Variants in DMD observed in about 807,000 individuals in gnomAD.
DMD encodes the protein mutant dystrophin.
A neutral mutation model predicts 330.1 loss-of-function variants in DMD; 63 were observed. The observed-to-expected ratio is 0.19, with a 90% CI of 0.16 to 0.24. The LOEUF (loss-of-function observed/expected upper bound fraction) is 0.24, where lower values mean the gene tolerates loss of function less well. Among genes scored for constraint, DMD ranks in the 10% least tolerant of loss-of-function variants. DMD has a pLI of 1.00. For synonymous variants in DMD, 1,223 were observed against 959.8 expected (o/e 1.27, Z -5.07); for missense variants, 3,344 against 2,684.1 (o/e 1.25, Z -5.43).
chrX:31,771,509 T>C (rs1447708293), intron 51 of DMD, among the ~76,000 whole-genome samples: 1 of 101,027 alleles, frequency 9.9e-6, no homozygotes, highest in Non-Finnish European at 2.1e-5. Context: ...CCCCCTAAAT[T>C]TTTTTTTTTC....
At chrX:32,503,292 C>A (rs1005950496) in intron 18 of DMD, among the ~76,000 whole-genome samples, 2 of 111,680 alleles carry the variant, frequency 1.8e-5, no homozygotes, top group African/African-American at 6.5e-5. Flanking sequence ...GAATCTGAGG[C>A]AGAAGGACTG....
intron 1 of DMD, among the ~76,000 whole-genome samples, chrX:33,262,400 G>C (rs1289103059): frequency 4.5e-5 from 5 of 111,373 alleles, no homozygotes; most frequent in Non-Finnish European, 9.5e-5. Context: ...AGAGAAGCCA[G>C]ATTTAAAGAT....
intron 44 of DMD, among the ~76,000 whole-genome samples, chrX:32,108,188 C>T (rs2096573482): frequency 1.8e-5 from 2 of 111,381 alleles, no homozygotes; most frequent in South Asian, 7.4e-4. Context: ...ATTCTTAACG[C>T]TTTAGTGAAG....
chrX:32,231,110 C>T (rs1344653336), intron 43 of DMD, among the ~76,000 whole-genome samples: 1 of 111,960 alleles, frequency 8.9e-6, no homozygotes, highest in Non-Finnish European at 1.9e-5. Context: ...TGTAATTGGG[C>T]AAACCAAAAC....
chrX:33,218,268 T>C (rs1048161915), intron 1 of DMD, among the ~76,000 whole-genome samples: 2 of 111,501 alleles, frequency 1.8e-5, no homozygotes, highest in Non-Finnish European at 3.8e-5. Flanking sequence ...TCTATATCCA[T>C]GAGTTTTATT....
chrX:32,583,677 T>C (rs1381063879), intron 13 of DMD: 1 of 111,282 alleles, frequency 9.0e-6, no homozygotes, highest in African/African-American at 3.3e-5. Flanking sequence ...CCACAGAATA[T>C]TGAGGAAAGG....
In DMD at chrX:31,915,029, A is replaced by G. The variant is rs771468413; in HGVS notation, c.6912+14567T>C. On this transcript the variant is annotated intron_variant, in intron 47 of 78. Transcript: ENST00000357033. The stretch of plus-strand genomic sequence containing the variant: ...TACATACACCTACTATGTACCCACA[A>G]AAATTTAAAAAAATTTTAAAAAGAG... Among the ~76,000 whole-genome samples, 5 of 112,379 alleles carry G rather than the reference A, an allele frequency of 4.4e-5. No individual in the cohort carries two copies. In the East Asian group the frequency reaches 1.4e-3, roughly 31 times the overall value.
At chrX:32,253,673 G>A (rs1218541135) in intron 43 of DMD, among the ~76,000 whole-genome samples, 1 of 105,405 alleles carries the variant, frequency 9.5e-6, no homozygotes, top group African/African-American at 3.5e-5. Flanking sequence ...ACCCAGGCTG[G>A]AGTGCAGTGG....
chrX:31,760,873 T>TCC (rs199534535), intron 51 of DMD, among the ~76,000 whole-genome samples: 13,758 of 110,191 alleles, frequency 0.12, 660 homozygotes, highest in East Asian at 0.19. Context: ...AAAACATTGT[T>TCC]AACTACAAGC....
intron 29 of DMD, among the ~76,000 whole-genome samples, chrX:32,423,549 T>C (rs1328115242): frequency 9.0e-6 from 1 of 110,958 alleles, no homozygotes; most frequent in African/African-American, 3.3e-5. Context: ...CCAAAAATGC[T>C]AATATTCTAT....
At chrX:32,454,589 A>C in intron 26 of DMD, 73 bp downstream of exon 26, 1 of 891,642 alleles carries the variant, frequency 1.1e-6, no homozygotes, top group Non-Finnish European at 1.6e-6. Flanking sequence ...ATACAACTTC[A>C]AGCATTGTTG....
At chrX:32,858,131 T>TGGTGC in intron 2 of DMD, among the ~76,000 whole-genome samples, 1 of 111,741 alleles carries the variant, frequency 8.9e-6, no homozygotes, top group East Asian at 2.8e-4. Flanking sequence ...TATTCTCTAA[T>TGGTGC]AGAGTGCTTC....
At chrX:31,278,073 G>A (rs2052315396) in intron 62 of DMD, among the ~76,000 whole-genome samples, 1 of 109,969 alleles carries the variant, frequency 9.1e-6, no homozygotes, top group Admixed American at 9.7e-5. Context: ...AATGTTTTGT[G>A]AAACTTTTCT....
At chrX:31,504,900 C>T (rs773948688) in intron 56 of DMD, among the ~76,000 whole-genome samples, 28 of 112,015 alleles carry the variant, frequency 2.5e-4, no homozygotes, top group Non-Finnish European at 4.3e-4. Flanking sequence ...ATTGGCAGCA[C>T]CTTAGATAAG....
chrX:32,696,303 A>G (rs1212436640), intron 9 of DMD, among the ~76,000 whole-genome samples: 1 of 111,841 alleles, frequency 8.9e-6, no homozygotes, highest in Non-Finnish European at 1.9e-5. Context: ...CACTTATCAA[A>G]CCTAACTACA....
At position 31,121,451 on chromosome X, in the gene DMD, TGTGTG is replaced by T. The variant is rs2032521277; in HGVS notation, c.*463_*467del. The T allele has an allele frequency of 3.2e-5, 5 of 157,608 alleles. No homozygotes were observed. Among genetic ancestry groups the T allele is most frequent in the African/African-American group, 1.8e-4 (5 of 27,424 alleles). 13.0% of individuals were successfully genotyped at this position (157,608 alleles called of 1,213,427 possible). On this transcript the variant is annotated 3_prime_UTR_variant, in exon 79 of 79. Coordinates refer to ENST00000357033, the MANE Select transcript of DMD (RefSeq NM_004006.3). ...TTGTGTGTGTGTGTGTATGTGTGTG[TGTGTG>T]TGTTTGTTTTGTTTTTAGGGGTTTT...
At chrX:31,156,743 G>C (rs1240048427) in intron 74 of DMD, among the ~76,000 whole-genome samples, 1 of 111,776 alleles carries the variant, frequency 8.9e-6, no homozygotes, top group African/African-American at 3.3e-5. Context: ...TTTGGATTTA[G>C]AACCTCAGAT....
At chrX:32,867,167 GT>G (rs1464962731) in intron 2 of DMD, among the ~76,000 whole-genome samples, 3 of 66,050 alleles carry the variant, frequency 4.5e-5, no homozygotes, top group African/African-American at 2.4e-4. Flanking sequence ...AATTGGAGAA[GT>G]TAAAAAAAAA....
intron 57 of DMD, among the ~76,000 whole-genome samples, chrX:31,490,390 G>A (rs772097911): frequency 4.5e-5 from 5 of 110,821 alleles, no homozygotes; most frequent in South Asian, 7.8e-4. Flanking sequence ...GTGAAACCCC[G>A]TCTCTACTAA....
Sources: allele counts gnomAD v4.1 joint callset (sites outside exome capture counted in the v4.1 genomes callset), GRCh38; gene constraint gnomAD v4.1.1; transcripts MANE v1.5; gene names NCBI Gene and HGNC (gene_info 2026-07-23, HGNC 2026-07-21).